CCDC171: variants seen among roughly 807,000 people sequenced by gnomAD.
CCDC171 encodes coiled-coil domain containing 171.
CCDC171 carries 177 observed loss-of-function variants against 168.2 expected under a neutral mutation model. That is an observed-to-expected ratio of 1.05 (90% CI 0.93 to 1.19). The LOEUF (loss-of-function observed/expected upper bound fraction) is 1.19. Ranked by LOEUF, CCDC171 falls within the 50% of genes most tolerant of loss-of-function variation. The probability of loss-of-function intolerance (pLI) is 0.00; values close to 1 mark genes in which losing one functional copy is unlikely to be tolerated. For missense variants in CCDC171, 1,991 were observed against 1,539.0 expected (o/e 1.29, Z -4.91); for synonymous variants, 687 against 540.8 (o/e 1.27, Z -3.75).
At chr9:15,824,739 C>A (rs1271489794) in intron 21 of CCDC171, among the ~76,000 whole-genome samples, 1 of 152,034 alleles carries the variant, frequency 6.6e-6, no homozygotes, top group African/African-American at 2.4e-5. Context: ...TTCTATTAAT[C>A]TTTTACTGTT....
intron 18 of CCDC171, among the ~76,000 whole-genome samples, chr9:15,766,082 A>G (rs930937240): frequency 5.9e-5 from 9 of 152,150 alleles, no homozygotes; most frequent in Admixed American, 2.0e-4. Flanking sequence ...AGCCTATTAT[A>G]AAAGATTTGG....
intron 21 of CCDC171, among the ~76,000 whole-genome samples, chr9:15,789,752 T>TC (rs1291024313): frequency 1.1e-5 from 1 of 95,018 alleles, no homozygotes; most frequent in African/African-American, 4.0e-5. Flanking sequence ...ACCTTCCCCC[T>TC]CCCCCCACCC....
the CCDC171 span, among the ~76,000 whole-genome samples, chr9:16,098,187 A>ATTTTAT: frequency 2.6e-5 from 4 of 152,186 alleles, no homozygotes; most frequent in African/African-American, 9.7e-5. Flanking sequence ...AACATCGCTG[A>ATTTTAT]GCCTTTTTTC....
chr9:15,977,437 A>G (rs1290432788), downstream of CCDC171, among the ~76,000 whole-genome samples: 2 of 152,288 alleles, frequency 1.3e-5, no homozygotes, highest in African/African-American at 4.8e-5. Context: ...ATAAATCAAA[A>G]CAGAGTTTTG....
chr9:15,635,442 G>A (rs917039371), intron 7 of CCDC171, among the ~76,000 whole-genome samples: 3 of 152,130 alleles, frequency 2.0e-5, no homozygotes, highest in East Asian at 1.9e-4. Flanking sequence ...GGAGTCTGAT[G>A]TTCCAGGGCA....
At chr9:15,791,645 G>A (rs1021588396) in intron 21 of CCDC171, among the ~76,000 whole-genome samples, 3 of 152,150 alleles carry the variant, frequency 2.0e-5, no homozygotes, top group East Asian at 3.8e-4. Flanking sequence ...GAATGGGAGT[G>A]GTGAGAGAGG....
the CCDC171 span, among the ~76,000 whole-genome samples, chr9:16,106,361 T>C: frequency 6.6e-6 from 1 of 152,196 alleles, no homozygotes; most frequent in Non-Finnish European, 1.5e-5. Flanking sequence ...CAGCATGCTT[T>C]TGGACTCCGC....
Position 15,595,148 on chromosome 9 carries a change from A to AT in CCDC171, c.675+987dup, listed in dbSNP as rs201895652. 8.8e-4 allele frequency among the ~76,000 whole-genome samples: 131 copies of AT among 149,062 alleles called. 1 individual carries two copies. The highest frequency in any genetic ancestry group is 2.8e-3 in the African/African-American group (114 of 40,816). ...ATATGCAGAGAATAGAAGCCACTTA[A>AT]TTTTTTTTTTTAATTATACTTTAAG... On this transcript the variant is annotated intron_variant, in intron 6 of 25. Coordinates refer to ENST00000380701, the MANE Select transcript of CCDC171 (RefSeq NM_173550.4).
chr9:15,792,441 G>C (rs1341072211), intron 21 of CCDC171, among the ~76,000 whole-genome samples: 2 of 152,116 alleles, frequency 1.3e-5, no homozygotes, highest in Admixed American at 6.6e-5. Context: ...TAGCAAGGCA[G>C]GCCAACATTC....
intron 9 of CCDC171, among the ~76,000 whole-genome samples, chr9:15,675,500 G>C (rs182904629): frequency 1.3e-5 from 2 of 152,242 alleles, no homozygotes; most frequent in Admixed American, 6.5e-5. Flanking sequence ...TGTTTTTGCA[G>C]TGGCTGGTAC....
Position 15,666,242 on chromosome 9 carries a change from T to G in CCDC171, c.995T>G (p.Ile332Ser). The G allele has an allele frequency of 5.0e-6, 8 of 1,613,902 alleles. No individual in the cohort carries two copies. Among genetic ancestry groups the G allele is most frequent in the Non-Finnish European group, 6.8e-6 (8 of 1,179,874 alleles). The change falls in exon 9 of 26, where the codon ATC becomes AGC. Residue 332 changes from isoleucine (I) to serine (S), a missense_variant. Physicochemically the swap from Ile to Ser is moderately radical, Grantham distance 142 (BLOSUM62 -2). Transcript: ENST00000380701. ...GAAGCTGTTGCTGATTTGGAAATTA[T>G]CAAGAATGAATTCAAAGAAGTTGAA... ...QAEAVADLEI[I>S]KNEFKEVESA...
At chr9:15,766,445 T>C (rs952087478) in intron 18 of CCDC171, among the ~76,000 whole-genome samples, 1 of 151,558 alleles carries the variant, frequency 6.6e-6, no homozygotes, top group Non-Finnish European at 1.5e-5. Context: ...TATATTTTTA[T>C]TTTAGAAAAT....
intron 12 of CCDC171, among the ~76,000 whole-genome samples, chr9:15,722,818 G>A (rs2053568776): frequency 6.6e-6 from 1 of 152,128 alleles, no homozygotes; most frequent in Non-Finnish European, 1.5e-5. Flanking sequence ...AATGACCATC[G>A]AAATAATTAA....
chr9:15,839,789 T>G (rs887702355), intron 21 of CCDC171, among the ~76,000 whole-genome samples: 6 of 152,184 alleles, frequency 3.9e-5, no homozygotes, highest in African/African-American at 1.4e-4. Flanking sequence ...AAACATTTGC[T>G]GTCTAGAATT....
At chr9:15,568,182 G>A (rs1192446370) in intron 2 of CCDC171, among the ~76,000 whole-genome samples, 1 of 151,436 alleles carries the variant, frequency 6.6e-6, no homozygotes, top group Non-Finnish European at 1.5e-5. Flanking sequence ...TGTAATTAAA[G>A]ACAGTTTTAC....
intron 24 of CCDC171, among the ~76,000 whole-genome samples, chr9:15,902,271 TATATATATATAC>T (rs1563967294): frequency 1.1e-4 from 8 of 73,640 alleles, no homozygotes; most frequent in African/African-American, 3.3e-4. Context: ...TGTATATATA[TATATATATATAC>T]ACACACACAC....
chr9:15,929,454 C>T (rs972120743), intron 25 of CCDC171, among the ~76,000 whole-genome samples: 1 of 151,684 alleles, frequency 6.6e-6, no homozygotes, highest in Non-Finnish European at 1.5e-5. Flanking sequence ...ACTTCTGTGC[C>T]CTGTTTCTCC....
At chr9:16,009,082 T>G (rs937886929) in intron 3 of CCDC171, among the ~76,000 whole-genome samples, 1 of 152,020 alleles carries the variant, frequency 6.6e-6, no homozygotes, top group Admixed American at 6.5e-5. Context: ...TTTGCAAAGA[T>G]GTAACTGCTT....
rs72710757 is a variant in CCDC171, at chr9:16,054,137, C to T, written n.90-6509C>T. On this transcript the variant is annotated intron_variant and non_coding_transcript_variant, in intron 1 of 1. Transcript: ENST00000478913. ...TTTGAGTGCGTGGAAAGATATGGTC[C>T]TTCTCTGGGGTCCGGGCTTTGTAGA... Among the ~76,000 whole-genome samples, 725 of 152,256 alleles carry T rather than the reference C, an allele frequency of 4.8e-3. 15 individuals are homozygous for T. Among genetic ancestry groups the T allele is most frequent in the East Asian group, 0.035 (183 of 5,172 alleles).
Sources: allele counts gnomAD v4.1 joint callset (sites outside exome capture counted in the v4.1 genomes callset), GRCh38; gene constraint gnomAD v4.1.1; transcripts MANE v1.5; gene names NCBI Gene and HGNC (gene_info 2026-07-23, HGNC 2026-07-21).